The following VPS8 variants were observed in gnomAD, a reference collection of about 807,000 sequenced individuals.
VPS8 encodes the protein vacuolar protein sorting-associated protein 8 homolog.
VPS8 carries 129 observed loss-of-function variants against 216.4 expected under a neutral mutation model. The observed-to-expected ratio is 0.60, with a 90% CI of 0.52 to 0.69. The LOEUF (loss-of-function observed/expected upper bound fraction) is 0.69. Among genes scored for constraint, VPS8 ranks in the 30% least tolerant of loss-of-function variants. The pLI is 0.00. For missense variants in VPS8, 1,531 were observed against 1,683.5 expected, an observed-to-expected ratio of 0.91 and a Z score of 1.59; for synonymous variants, 571 against 565.4, an observed-to-expected ratio of 1.01 and a Z score of -0.14.
intron 46 of VPS8, among the ~76,000 whole-genome samples, chr3:185,039,066 C>A (rs1173147596): frequency 6.6e-6 from 1 of 152,164 alleles, no homozygotes; most frequent in African/African-American, 2.4e-5. Flanking sequence ...CAACTGTGAT[C>A]TTGGGATAAA....
intron 40 of VPS8, among the ~76,000 whole-genome samples, chr3:184,975,596 A>T (rs961474570): frequency 1.3e-5 from 2 of 152,142 alleles, no homozygotes; most frequent in East Asian, 3.9e-4. Context: ...GTTGAATAAC[A>T]GTGGTAAAAG....
intron 28 of VPS8, among the ~76,000 whole-genome samples, chr3:184,919,844 C>T (rs145481713): frequency 1.1e-3 from 172 of 152,142 alleles, no homozygotes; most frequent in African/African-American, 3.8e-3. Flanking sequence ...TTAGTGTTAT[C>T]GCTCTCTTTT....
At chr3:184,986,581 AG>A (rs1222662796) in intron 42 of VPS8, among the ~76,000 whole-genome samples, 1 of 152,146 alleles carries the variant, frequency 6.6e-6, no homozygotes, top group Non-Finnish European at 1.5e-5. Context: ...CTCATGAAGG[AG>A]ACAGAGGTTC....
At chr3:184,873,225 A>G (rs555360448) in intron 21 of VPS8, among the ~76,000 whole-genome samples, 1 of 152,250 alleles carries the variant, frequency 6.6e-6, no homozygotes, top group African/African-American at 2.4e-5. Context: ...CCAAGGTAAT[A>G]TTGCAGTAAA....
chr3:185,050,124 T>A (rs13321192), intron 47 of VPS8, among the ~76,000 whole-genome samples: 28,379 of 91,628 alleles, frequency 0.31, 3,330 homozygotes, highest in African/African-American at 0.49. Flanking sequence ...TGGGAAATAA[T>A]TTTTTTTTTT....
intron 14 of VPS8, among the ~76,000 whole-genome samples, chr3:184,858,629 G>A (rs1218398789): frequency 6.6e-6 from 1 of 152,220 alleles, no homozygotes; most frequent in Non-Finnish European, 1.5e-5. Flanking sequence ...CAGGAACATG[G>A]TTGTGGTGGA....
At chr3:184,906,030 T>G (rs576555875) in intron 25 of VPS8, among the ~76,000 whole-genome samples, 3 of 152,282 alleles carry the variant, frequency 2.0e-5, no homozygotes, top group African/African-American at 7.2e-5. Context: ...GCTTTTCAGG[T>G]AGAAGCTCAT....
At chr3:184,948,863 G>A (rs1744154931) in intron 36 of VPS8, among the ~76,000 whole-genome samples, 1 of 152,072 alleles carries the variant, frequency 6.6e-6, no homozygotes, top group Admixed American at 6.5e-5. Flanking sequence ...TACCTGATGT[G>A]GTTATAGAGC....
At position 184,824,397 on chromosome 3, in the gene VPS8, C is replaced by G. The variant is rs1030923287; in HGVS notation, c.-88-148C>G. On this transcript the variant is annotated intron_variant, in intron 1 of 47. Coordinates refer to ENST00000625842, the MANE Select transcript of VPS8 (RefSeq NM_001009921.3). Reference sequence around the variant, plus strand: ...TGAAACCCTCTCCTAATAACATACCCTGTACCCCACTGTTAATTTCAGTTT... The same window carrying G: ...TGAAACCCTCTCCTAATAACATACCGTGTACCCCACTGTTAATTTCAGTTT... The G allele has an allele frequency of 2.2e-5, 11 of 492,056 alleles. No individual in the cohort carries two copies. In the Admixed American group the frequency reaches 3.6e-4, roughly 16 times the overall value. The allele number at this position is 492,056 out of a possible 1,614,324, so 30.5% of individuals were successfully genotyped here. A position where few individuals can be genotyped will look rare whatever the true frequency, so the allele number is the denominator to read the frequency against.
rs181300412 is a variant in VPS8, at chr3:184,814,699, A to G, written c.-89+2474A>G. Among the ~76,000 whole-genome samples the G allele has an allele frequency of 8.5e-5, 13 of 152,334 alleles. 1 individual carries two copies. The highest frequency in any genetic ancestry group is 7.8e-4 in the Admixed American group (12 of 15,298). On this transcript the variant is annotated intron_variant, in intron 1 of 47. Transcript: ENST00000625842. ...GCAGGACTGGAAGTTGCTGTGGGTG[A>G]GGCAGTGAGTAGTGAGTGAGTGTGA... is the stretch of plus-strand genomic sequence containing the variant.
At chr3:184,887,842 A>G (rs1382271223) in intron 22 of VPS8, among the ~76,000 whole-genome samples, 1 of 152,170 alleles carries the variant, frequency 6.6e-6, no homozygotes, top group Admixed American at 6.5e-5. Context: ...GTAATTTGCT[A>G]TGTCAGACCT....
chr3:184,908,107 A>G (rs771779561), intron 25 of VPS8, among the ~76,000 whole-genome samples: 14 of 152,178 alleles, frequency 9.2e-5, no homozygotes, highest in Non-Finnish European at 1.6e-4. Context: ...ATGTTGAACA[A>G]TGGCACTGAC....
At chr3:184,948,938 T>C (rs1339784051) in intron 36 of VPS8, among the ~76,000 whole-genome samples, 1 of 152,230 alleles carries the variant, frequency 6.6e-6, no homozygotes. Flanking sequence ...AAAGCTCATT[T>C]TTCCTTCCTA....
At chr3:184,842,956 A>T (rs1350870018) in intron 7 of VPS8, among the ~76,000 whole-genome samples, 11 of 151,624 alleles carry the variant, frequency 7.3e-5, no homozygotes, top group African/African-American at 2.7e-4. Flanking sequence ...AGTGTACTTC[A>T]GTAGATTATC....
At chr3:185,048,891 C>G (rs982890728) in intron 47 of VPS8, among the ~76,000 whole-genome samples, 2 of 152,208 alleles carry the variant, frequency 1.3e-5, no homozygotes, top group African/African-American at 4.8e-5. Flanking sequence ...GGTGCCCAAT[C>G]TGTCCGAAGC....
chr3:184,866,390 T>G (rs1727362093), intron 16 of VPS8, among the ~76,000 whole-genome samples: 1 of 152,218 alleles, frequency 6.6e-6, no homozygotes, highest in South Asian at 2.1e-4. Flanking sequence ...TACCTGGGTT[T>G]GGAGGTGGGA....
rs369905288 is a variant in VPS8 at position 184,902,761 on chromosome 3, C to T, written c.2146+1789C>T. 3.7e-3 allele frequency among the ~76,000 whole-genome samples: 551 copies of T among 149,374 alleles called. 3 individuals are homozygous for T. Among genetic ancestry groups the T allele is most frequent in the African/African-American group, 0.013 (524 of 40,418 alleles). On this transcript the variant is annotated intron_variant, in intron 25 of 47. Coordinates refer to ENST00000625842, the MANE Select transcript of VPS8 (RefSeq NM_001009921.3). Reference sequence around the variant, plus strand: ...AGGAGAATCGCTTGAACCCGGGAGGCGGAGGTTGCAGTGAGCCGAGATCGC... The same window carrying T: ...AGGAGAATCGCTTGAACCCGGGAGGTGGAGGTTGCAGTGAGCCGAGATCGC...
At chr3:184,834,555 C>G in intron 4 of VPS8, 94 bp from the exon 5 acceptor site, 2 of 931,966 alleles carry the variant, frequency 2.1e-6, no homozygotes, top group Non-Finnish European at 3.1e-6. Context: ...TTGTCTTCTG[C>G]TTTTTGTGCG....
rs548632881 is a variant in VPS8 at position 185,033,532 on chromosome 3, G to A, written c.4056+9143G>A. Among the ~76,000 whole-genome samples the A allele has an allele frequency of 5.9e-5, 9 of 152,192 alleles. No individual in the cohort carries two copies. In the South Asian group the frequency reaches 1.9e-3, roughly 32 times the overall value. On this transcript the variant is annotated intron_variant, in intron 46 of 47. Transcript: ENST00000625842. ...ATTTGTTTATCCATTCACCTACTGCGGGACATCCTAGTTGCTTCTATGTTT... is the reference window on the plus strand; with the variant it reads ...ATTTGTTTATCCATTCACCTACTGCAGGACATCCTAGTTGCTTCTATGTTT...
Sources: allele counts gnomAD v4.1 joint callset (sites outside exome capture counted in the v4.1 genomes callset), GRCh38; gene constraint gnomAD v4.1.1; transcripts MANE v1.5; gene names NCBI Gene and HGNC (gene_info 2026-07-23, HGNC 2026-07-21).